The following CDK14 variants were observed in gnomAD, a reference collection of about 807,000 sequenced individuals.
CDK14 encodes the protein cyclin-dependent kinase 14.
Under a neutral mutation model 60.7 loss-of-function variants are expected in CDK14, and 34 were observed. That is an observed-to-expected ratio of 0.56 (90% CI 0.43 to 0.75). CDK14 has a LOEUF of 0.75. CDK14 is among the 30% of genes least tolerant of loss of function. The pLI is 0.00. For synonymous variants in CDK14, 197 were observed against 203.7 expected (o/e 0.97, Z 0.28); for missense variants, 482 against 564.1 (o/e 0.85, Z 1.47).
At position 91,210,095 on chromosome 7, in the gene CDK14, T is replaced by C. The variant is rs149731535; in HGVS notation, c.*2959T>C. 1.0e-4 allele frequency: 16 copies of C among 152,794 alleles called. No individual in the cohort carries two copies. The highest frequency in any genetic ancestry group is 3.6e-4 in the African/African-American group (15 of 41,584). 9.5% of individuals were successfully genotyped at this position (152,794 alleles called of 1,614,324 possible). ...GGGGTAGATTATTGCCTGCCCCTTA[T>C]ACATAGGAATATGCTGCATAATTGC... On this transcript the variant is annotated 3_prime_UTR_variant, in exon 15 of 15. Transcript: ENST00000380050.
At chr7:90,700,015 C>G (rs1306870801) in intron 2 of CDK14, among the ~76,000 whole-genome samples, 1 of 152,108 alleles carries the variant, frequency 6.6e-6, no homozygotes, top group African/African-American at 2.4e-5. Flanking sequence ...AAGATGGTCT[C>G]CAAGTTCCTG....
Position 90,898,851 on chromosome 7 carries a change from G to A in CDK14, c.640-440G>A, listed in dbSNP as rs572823429. Reference sequence around the variant, plus strand: ...ATATGGACATAAAGATAAGTCCAGTGATTAATTTTACTAGTAGAATATATT... The same window carrying A: ...ATATGGACATAAAGATAAGTCCAGTAATTAATTTTACTAGTAGAATATATT... On this transcript the variant is annotated intron_variant, in intron 6 of 14. Transcript: ENST00000380050. Among the ~76,000 whole-genome samples the A allele has an allele frequency of 3.2e-4, 48 of 151,968 alleles. 1 individual carries two copies. In the South Asian group the frequency reaches 7.7e-3, roughly 24 times the overall value.
At chr7:90,808,764 G>A (rs900851350) in intron 5 of CDK14, among the ~76,000 whole-genome samples, 3 of 152,140 alleles carry the variant, frequency 2.0e-5, no homozygotes, top group Non-Finnish European at 4.4e-5. Context: ...ATAAAGGGAT[G>A]GAGGAAGATC....
At chr7:90,915,026 C>G (rs1417417163) in intron 7 of CDK14, among the ~76,000 whole-genome samples, 1 of 152,104 alleles carries the variant, frequency 6.6e-6, no homozygotes, top group African/African-American at 2.4e-5. Flanking sequence ...TTACACAGAC[C>G]TGAAGGGGTA....
intron 14 of CDK14, among the ~76,000 whole-genome samples, chr7:91,131,019 G>A (rs140305964): frequency 6.6e-6 from 1 of 152,202 alleles, no homozygotes; most frequent in East Asian, 1.9e-4. Flanking sequence ...TGCATTTGGG[G>A]TTTCAGAATC....
At chr7:90,897,772 T>A (rs573362780) in intron 6 of CDK14, among the ~76,000 whole-genome samples, 5 of 152,194 alleles carry the variant, frequency 3.3e-5, no homozygotes, top group African/African-American at 1.2e-4. Context: ...CCTATTTTAA[T>A]CATATTTTAG....
At chr7:90,635,990 C>G (rs1039409717) in intron 2 of CDK14, among the ~76,000 whole-genome samples, 7 of 151,746 alleles carry the variant, frequency 4.6e-5, no homozygotes, top group African/African-American at 1.7e-4. Flanking sequence ...ATTTTGTATC[C>G]TGAGACTTTG....
intron 14 of CDK14, among the ~76,000 whole-genome samples, chr7:91,144,703 G>T (rs1800572721): frequency 6.6e-6 from 1 of 152,122 alleles, no homozygotes; most frequent in Admixed American, 6.6e-5. Context: ...AACAATTTTG[G>T]CCAGGATTTC....
chr7:91,066,073 T>A (rs1341954037), intron 11 of CDK14, among the ~76,000 whole-genome samples: 1 of 151,794 alleles, frequency 6.6e-6, no homozygotes, highest in African/African-American at 2.4e-5. Context: ...CATTGCTACT[T>A]TTTTTTTACC....
At chr7:90,976,572 A>G (rs1207900162) in intron 9 of CDK14, among the ~76,000 whole-genome samples, 1 of 151,778 alleles carries the variant, frequency 6.6e-6, no homozygotes, top group Non-Finnish European at 1.5e-5. Flanking sequence ...TGTGTTACCC[A>G]GATTGGTCTT....
At chr7:91,174,031 T>C (rs1410488036) in intron 14 of CDK14, among the ~76,000 whole-genome samples, 2 of 152,124 alleles carry the variant, frequency 1.3e-5, no homozygotes, top group African/African-American at 2.4e-5. Flanking sequence ...AAGATAGCAG[T>C]AACCTCCGCA....
intron 12 of CDK14, among the ~76,000 whole-genome samples, chr7:91,089,556 G>A (rs1226040585): frequency 1.5e-5 from 2 of 136,800 alleles, no homozygotes; most frequent in East Asian, 4.8e-4. Context: ...GTAGAGGGCA[G>A]CATGCTCTGA....
Position 91,034,945 on chromosome 7 carries a change from T to C in CDK14, c.1042-10952T>C, listed in dbSNP as rs12538579. ...GTGTACACACACACACACATACACA[T>C]ACACACACACACACACACACACACA... is the stretch of plus-strand genomic sequence containing the variant. On this transcript the variant is annotated intron_variant, in intron 10 of 14. Coordinates refer to ENST00000380050, the MANE Select transcript of CDK14 (RefSeq NM_001287135.2). Among the ~76,000 whole-genome samples, 987 of 146,050 alleles carry C rather than the reference T, an allele frequency of 6.8e-3. 4 individuals are homozygous for C. The highest frequency in any genetic ancestry group is 0.023 in the African/African-American group (899 of 39,648).
chr7:90,766,816 T>C (rs1325013449), intron 4 of CDK14, among the ~76,000 whole-genome samples: 1 of 151,970 alleles, frequency 6.6e-6, no homozygotes, highest in Admixed American at 6.6e-5. Context: ...CATCAACAGC[T>C]CTCTCACACT....
chr7:90,776,131 T>C (rs1805036625), intron 4 of CDK14, among the ~76,000 whole-genome samples: 1 of 152,198 alleles, frequency 6.6e-6, no homozygotes, highest in African/African-American at 2.4e-5. Context: ...CCTCTGTGGA[T>C]GACTTGGAGA....
Position 90,604,223 on chromosome 7 carries a change from A to G in CDK14, c.97A>G (p.Lys33Glu). ...LSESFSRIAL[K>E]KDDTTFDEIC... ...TTTTCCTTCTTATTTTATAGCTTTGAAGAAAGATGACACCACCTTTGATGA... is the reference window on the plus strand; with the variant it reads ...TTTTCCTTCTTATTTTATAGCTTTGGAGAAAGATGACACCACCTTTGATGA... The change falls in exon 2 of 15, where the codon AAG becomes GAG. Residue 33 changes from lysine to glutamate, a missense_variant. Coordinates refer to ENST00000380050, the MANE Select transcript of CDK14 (RefSeq NM_001287135.2). 6.5e-7 allele frequency: 1 copy of G among 1,538,494 alleles called. No homozygotes were observed. Among genetic ancestry groups the G allele is most frequent in the Non-Finnish European group, 8.8e-7 (1 of 1,134,058 alleles).
At chr7:91,173,229 AG>A (rs1363364517) in intron 14 of CDK14, among the ~76,000 whole-genome samples, 2 of 152,156 alleles carry the variant, frequency 1.3e-5, no homozygotes, top group Non-Finnish European at 2.9e-5. Context: ...CTGTTCTTCC[AG>A]GGATGCATCA....
intron 1 of CDK14, among the ~76,000 whole-genome samples, chr7:90,603,895 C>A (rs1016031374): frequency 6.6e-6 from 1 of 152,132 alleles, no homozygotes; most frequent in African/African-American, 2.4e-5. Context: ...TTTAAGATTA[C>A]TTCGTGATTC....
At chr7:90,786,724 C>T (rs972685899) in intron 4 of CDK14, among the ~76,000 whole-genome samples, 5 of 151,006 alleles carry the variant, frequency 3.3e-5, no homozygotes, top group African/African-American at 9.7e-5. Flanking sequence ...CAAGACTATC[C>T]TGGGCAACAT....
Sources: allele counts gnomAD v4.1 joint callset (sites outside exome capture counted in the v4.1 genomes callset), GRCh38; gene constraint gnomAD v4.1.1; transcripts MANE v1.5; gene names NCBI Gene and HGNC (gene_info 2026-07-23, HGNC 2026-07-21).